TULP4: variants seen among roughly 807,000 people sequenced by gnomAD.
The protein encoded by TULP4 is TUB like protein 4.
TULP4 carries 16 observed loss-of-function variants against 129.0 expected under a neutral mutation model. The observed-to-expected ratio is 0.12, with a 90% CI of 0.08 to 0.19. The LOEUF (loss-of-function observed/expected upper bound fraction) is 0.19. TULP4 is among the 10% of genes least tolerant of loss of function. The pLI, the probability that TULP4 is intolerant of heterozygous loss-of-function variation, is 1.00. For missense variants in TULP4, 1,842 were observed against 2,059.1 expected (o/e 0.89, Z 2.04); for synonymous variants, 998 against 854.0 (o/e 1.17, Z -2.94).
intron 3 of TULP4, among the ~76,000 whole-genome samples, chr6:158,442,156 G>A (rs772383412): frequency 6.6e-6 from 1 of 152,138 alleles, no homozygotes; most frequent in Non-Finnish European, 1.5e-5. Flanking sequence ...CACAAGTGCT[G>A]TTGGGTCTGC....
intron 2 of TULP4, among the ~76,000 whole-genome samples, chr6:158,423,133 G>GTT (rs1778391075): frequency 6.6e-6 from 1 of 150,542 alleles, no homozygotes; most frequent in African/African-American, 2.4e-5. Context: ...GGGGGGGGGG[G>GTT]GGAAAGAAAC....
intron 1 of TULP4, among the ~76,000 whole-genome samples, chr6:158,397,665 C>T (rs1485559113): frequency 2.0e-5 from 3 of 152,106 alleles, no homozygotes; most frequent in Admixed American, 2.0e-4. Flanking sequence ...GATTGGACAC[C>T]CCTGTACTAA....
intron 2 of TULP4, among the ~76,000 whole-genome samples, chr6:158,422,960 CTGCATT>C (rs1320355791): frequency 6.6e-6 from 1 of 152,230 alleles, no homozygotes; most frequent in African/African-American, 2.4e-5. Context: ...TTCTAATGGT[CTGCATT>C]TGCATATCAA....
chr6:158,299,874 A>T (rs1391653779), intron 1 of TULP4, among the ~76,000 whole-genome samples: 1 of 152,226 alleles, frequency 6.6e-6, no homozygotes, highest in African/African-American at 2.4e-5. Context: ...ATTATTAAAT[A>T]AAACCTATTA....
chr6:158,274,114 T>G (rs1458504518), intron 1 of TULP4, among the ~76,000 whole-genome samples: 2 of 151,716 alleles, frequency 1.3e-5, no homozygotes, highest in Admixed American at 6.6e-5. Flanking sequence ...AAAAATTAGC[T>G]GGGCATGGTG....
intron 6 of TULP4, among the ~76,000 whole-genome samples, chr6:158,463,805 A>G (rs1779497478): frequency 6.6e-6 from 1 of 151,818 alleles, no homozygotes; most frequent in Non-Finnish European, 1.5e-5. Flanking sequence ...TAAATATTTA[A>G]ATATATATTT....
rs746814656 is a variant in TULP4, at chr6:158,502,169, C to T, written c.2506C>T (p.Pro836Ser). 37 of 1,569,380 alleles carry T rather than the reference C, an allele frequency of 2.4e-5. No homozygotes were observed. Among genetic ancestry groups the T allele is most frequent in the Non-Finnish European group, 3.1e-5 (36 of 1,157,606 alleles). ...VQVTKINPPP[P>S]YPGTIPAAPT... Reference sequence around the variant, plus strand: ...GGTGACGAAGATAAACCCTCCACCCCCGTACCCAGGAACCATCCCCGCTGC... The same window carrying T: ...GGTGACGAAGATAAACCCTCCACCCTCGTACCCAGGAACCATCCCCGCTGC... The change falls in exon 13 of 14, where the codon CCG becomes TCG. Residue 836 changes from proline (P) to serine (S), a missense_variant. Around this residue, in one of 5 missense-constraint regions of TULP4, gnomAD observed 1,089 missense variants for 987.1 expected, o/e 1.10. Coordinates refer to ENST00000367097, the MANE Select transcript of TULP4 (RefSeq NM_020245.5).
chr6:158,361,540 A>G (rs750989276), intron 1 of TULP4, among the ~76,000 whole-genome samples: 1 of 152,212 alleles, frequency 6.6e-6, no homozygotes, highest in Non-Finnish European at 1.5e-5. Flanking sequence ...GATTTGTGTT[A>G]TATTTTATTG....
At chr6:158,368,749 C>A (rs1777001605) in intron 1 of TULP4, among the ~76,000 whole-genome samples, 2 of 152,150 alleles carry the variant, frequency 1.3e-5, no homozygotes, top group Non-Finnish European at 2.9e-5. Flanking sequence ...TATGTCAGTA[C>A]CATTTTCATT....
intron 1 of TULP4, chr6:158,237,526 G>A: frequency 6.4e-7 from 1 of 1,558,862 alleles, no homozygotes; most frequent in Non-Finnish European, 8.8e-7. Flanking sequence ...TTCAGATGAA[G>A]CTCCTGCAGT....
At chr6:158,478,014 A>T (rs903162377) in intron 6 of TULP4, among the ~76,000 whole-genome samples, 2 of 152,220 alleles carry the variant, frequency 1.3e-5, no homozygotes, top group Non-Finnish European at 2.9e-5. Context: ...GAACAAAAAA[A>T]CCAAATACCA....
intron 2 of TULP4, among the ~76,000 whole-genome samples, chr6:158,428,567 A>G (rs1025916207): frequency 1.3e-5 from 2 of 152,168 alleles, no homozygotes; most frequent in East Asian, 1.9e-4. Flanking sequence ...AATAGATGCA[A>G]TAGCATTTGA....
chr6:158,398,995 G>C (rs1197584357), intron 1 of TULP4, among the ~76,000 whole-genome samples: 1 of 152,192 alleles, frequency 6.6e-6, no homozygotes, highest in Non-Finnish European at 1.5e-5. Flanking sequence ...ACGTTGTGTG[G>C]ATACAGGTGT....
At chr6:158,340,300 T>C (rs2114749689) in intron 1 of TULP4, among the ~76,000 whole-genome samples, 1 of 152,322 alleles carries the variant, frequency 6.6e-6, no homozygotes, top group South Asian at 2.1e-4. Flanking sequence ...GTAGGACCAC[T>C]CCTAAGTGTT....
rs947824260 is a variant in TULP4 at position 158,379,649 on chromosome 6, C to T, written c.253-33416C>T. On this transcript the variant is annotated intron_variant, in intron 1 of 13. Coordinates refer to ENST00000367097, the MANE Select transcript of TULP4 (RefSeq NM_020245.5). ...TGCTTGGGAGTATTCAAGATTGCGG[C>T]TTGGGTTCAGACCTACAGGGAAAAA... 4.6e-5 allele frequency among the ~76,000 whole-genome samples: 7 copies of T among 152,214 alleles called. No individual in the cohort carries two copies. The East Asian group carries it at 1.3e-3, about 29-fold the overall frequency.
intron 6 of TULP4, among the ~76,000 whole-genome samples, chr6:158,466,515 TC>T (rs1294628629): frequency 6.6e-6 from 1 of 152,218 alleles, no homozygotes. Flanking sequence ...TGTGTTCAAG[TC>T]CTTTGCCCAT....
At chr6:158,345,395 G>C (rs577182593) in intron 1 of TULP4, among the ~76,000 whole-genome samples, 1 of 152,280 alleles carries the variant, frequency 6.6e-6, no homozygotes, top group South Asian at 2.1e-4. Context: ...GACTACTATT[G>C]GGGGAACCCA....
chr6:158,242,439 A>C, intron 1 of TULP4: 1 of 1,064,398 alleles, frequency 9.4e-7, no homozygotes, highest in Non-Finnish European at 1.5e-6. Context: ...TTATGCCACT[A>C]AGCATTCATC....
intron 5 of TULP4, among the ~76,000 whole-genome samples, chr6:158,460,871 T>C (rs1165403951): frequency 1.3e-5 from 2 of 151,644 alleles, no homozygotes; most frequent in African/African-American, 4.9e-5. Context: ...CCAGTACTTA[T>C]ATGAATATAC....
Sources: gnomAD v4.1 joint callset for allele counts (sites outside exome capture counted in the v4.1 genomes callset) on GRCh38, gnomAD v4.1.1 for gene constraint, gnomAD v4.1.1 regional missense constraint, MANE v1.5 for transcripts, NCBI Gene and HGNC (gene_info 2026-07-23, HGNC 2026-07-21) for gene names.